The following GABRA2 variants were observed in gnomAD, a reference collection of about 807,000 sequenced individuals.
GABRA2 encodes gamma-aminobutyric acid type A receptor subunit alpha2, also known as gamma-aminobutyric acid receptor subunit alpha-2.
In GABRA2, 16 loss-of-function variants were observed where a neutral mutation model predicts 48.7. The observed-to-expected ratio is 0.33, with a 90% CI of 0.22 to 0.50. The LOEUF (loss-of-function observed/expected upper bound fraction) is 0.50, where lower values mean the gene tolerates loss of function less well. Among genes scored for constraint, GABRA2 ranks in the 20% least tolerant of loss-of-function variants. The pLI, the probability that GABRA2 is intolerant of heterozygous loss-of-function variation, is 0.98. For missense variants in GABRA2, 275 were observed against 535.6 expected (o/e 0.51, Z 4.80); for synonymous variants, 185 against 184.5 (o/e 1.00, Z -0.02).
chr4:46,305,751 A>G (rs775142445), intron 6 of GABRA2, 40 bp from the exon 7 acceptor site: 1 of 1,458,634 alleles, frequency 6.9e-7, no homozygotes, highest in Admixed American at 1.7e-5. Flanking sequence ...CATTTTAGTA[A>G]GAACCATCAA....
intron 3 of GABRA2, among the ~76,000 whole-genome samples, chr4:46,385,238 A>T (rs970305249): frequency 6.6e-6 from 1 of 151,782 alleles, no homozygotes; most frequent in African/African-American, 2.4e-5. Flanking sequence ...GGTTAACTAC[A>T]TAAATCTTGT....
At chr4:46,274,505 A>G (rs550987974) in intron 8 of GABRA2, among the ~76,000 whole-genome samples, 4 of 152,226 alleles carry the variant, frequency 2.6e-5, no homozygotes, top group East Asian at 1.9e-4. Context: ...GTGGCTATAC[A>G]TAGAGAAAAA....
chr4:46,387,991 C>A (rs1006060514), intron 2 of GABRA2, among the ~76,000 whole-genome samples: 8 of 151,956 alleles, frequency 5.3e-5, no homozygotes, highest in African/African-American at 1.9e-4. Context: ...AAATTAATTT[C>A]ATGTTTTTAT....
At chr4:46,278,403 C>G (rs926055616) in intron 8 of GABRA2, among the ~76,000 whole-genome samples, 1 of 152,124 alleles carries the variant, frequency 6.6e-6, no homozygotes, top group Non-Finnish European at 1.5e-5. Flanking sequence ...GTATAACTTA[C>G]TCAAGCTAAA....
intron 4 of GABRA2, among the ~76,000 whole-genome samples, chr4:46,315,554 C>G (rs1355019884): frequency 1.3e-5 from 2 of 151,898 alleles, no homozygotes; most frequent in East Asian, 1.9e-4. Flanking sequence ...AGTTCTCCAC[C>G]TGCCTCAGTC....
chr4:46,386,654 GTCTT>G (rs1717500325), intron 2 of GABRA2: 1 of 153,952 alleles, frequency 6.5e-6, no homozygotes, highest in Admixed American at 6.5e-5. Context: ...TCTCATAAGT[GTCTT>G]TCTTTTTCAT....
intron 8 of GABRA2, among the ~76,000 whole-genome samples, chr4:46,272,753 A>G (rs145560646): frequency 0.012 from 1,857 of 152,070 alleles, 43 homozygotes; most frequent in African/African-American, 0.042. Flanking sequence ...TTTAGGAGGA[A>G]CAGACAGAAG....
chr4:46,389,512 T>C, intron 1 of GABRA2: 1 of 607,940 alleles, frequency 1.6e-6, no homozygotes, highest in Non-Finnish European at 2.1e-6. Context: ...GCTAACGTGC[T>C]GCCGAGCAGG....
intron 8 of GABRA2, among the ~76,000 whole-genome samples, chr4:46,273,484 C>CATATATATATATATATGCATATATATAT (rs1282932302): frequency 4.2e-4 from 8 of 18,906 alleles, no homozygotes; most frequent in Non-Finnish European, 6.8e-4. Context: ...TATATATATG[C>CATATATATATATATATGCATATATATAT]ATATATATAT....
chr4:46,382,156 T>TTA (rs1187897644), intron 3 of GABRA2, among the ~76,000 whole-genome samples: 72 of 148,662 alleles, frequency 4.8e-4, no homozygotes, highest in East Asian at 1.2e-3. Flanking sequence ...TGGTAATAAA[T>TTA]TATATATATA....
Position 46,348,367 on chromosome 4 carries a change from C to T in GABRA2, c.188-15685G>A, listed in dbSNP as rs565462984. Among the ~76,000 whole-genome samples the T allele has an allele frequency of 7.2e-5, 11 of 152,026 alleles. No homozygotes were observed. The South Asian group carries it at 1.7e-3, about 23-fold the overall frequency. ...TCAACCATTGTGGAAGTCGGTGTGG[C>T]GATTCCTTAGGGATCTAGAACTAGA... On this transcript the variant is annotated intron_variant, in intron 3 of 9. Coordinates refer to ENST00000381620, the MANE Select transcript of GABRA2 (RefSeq NM_000807.4).
At chr4:46,389,023 C>T (rs200383915) in intron 1 of GABRA2, 236 of 1,146,202 alleles carry the variant, frequency 2.1e-4, no homozygotes, top group Non-Finnish European at 2.5e-4. Flanking sequence ...CGTCAGCAAA[C>T]ACTGTTTTGC....
At chr4:46,313,116 C>T (rs1727930252) in intron 4 of GABRA2, among the ~76,000 whole-genome samples, 1 of 134,454 alleles carries the variant, frequency 7.4e-6, no homozygotes, top group African/African-American at 2.7e-5. Flanking sequence ...TTCCCAGTAG[C>T]AAATAAATAA....
At position 46,266,718 on chromosome 4, in the gene GABRA2, C is replaced by CTTTTTT. The variant is rs35380341; in HGVS notation, c.857-4596_857-4591dup. Among the ~76,000 whole-genome samples the CTTTTTT allele has an allele frequency of 5.6e-4, 52 of 92,824 alleles. 5 individuals carry two copies. Among genetic ancestry groups the CTTTTTT allele is most frequent in the African/African-American group, 1.8e-3 (41 of 22,752 alleles). The allele number at this position is 92,824 out of a possible 152,430, so 60.9% of individuals were successfully genotyped here. On this transcript the variant is annotated intron_variant, in intron 8 of 9. Transcript: ENST00000381620. Reference sequence around the variant, plus strand: ...TAGCCACCATGTCTTCAAATATTCTCTTTTTTTTTTTTTTTTTTTTTGAGA... The same window carrying CTTTTTT: ...TAGCCACCATGTCTTCAAATATTCTCTTTTTTTTTTTTTTTTTTTTTTTTTTTGAGA...
chr4:46,286,890 G>C (rs570056954), intron 8 of GABRA2, among the ~76,000 whole-genome samples: 38 of 152,146 alleles, frequency 2.5e-4, no homozygotes, highest in African/African-American at 8.2e-4. Context: ...TTAATATTTT[G>C]TAAGGTGTCT....
At chr4:46,363,891 A>T (rs1247951200) in intron 3 of GABRA2, 1 of 152,204 alleles carries the variant, frequency 6.6e-6, no homozygotes, top group Non-Finnish European at 1.5e-5. Context: ...AAATAATTAA[A>T]CTTTTCCATA....
intron 3 of GABRA2, among the ~76,000 whole-genome samples, chr4:46,353,295 G>A (rs1287557962): frequency 6.6e-6 from 1 of 151,928 alleles, no homozygotes; most frequent in Non-Finnish European, 1.5e-5. Flanking sequence ...CTCCCACCCT[G>A]GTCCAAGCCA....
intron 4 of GABRA2, among the ~76,000 whole-genome samples, chr4:46,317,778 T>TA (rs1010921836): frequency 2.6e-5 from 4 of 151,206 alleles, no homozygotes; most frequent in Non-Finnish European, 4.4e-5. Context: ...AAATAAACTC[T>TA]AAAAAAAATT....
rs1403947835 is a variant in GABRA2 at position 46,244,819 on chromosome 4, G to A, written c.*5489C>T. Among the ~76,000 whole-genome samples the A allele has an allele frequency of 1.3e-5, 2 of 151,368 alleles. No individual in the cohort carries two copies. Among genetic ancestry groups the A allele is most frequent in the Non-Finnish European group, 3.0e-5 (2 of 67,530 alleles). On this transcript the variant is annotated 3_prime_UTR_variant, in exon 10 of 10. Coordinates refer to ENST00000381620, the MANE Select transcript of GABRA2 (RefSeq NM_000807.4). ...TTCCCAGAAACTAAATTGTACCAAA[G>A]AAGTTAGTAAATAGCTAGCATCACA... is the stretch of plus-strand genomic sequence containing the variant.
Sources: gnomAD v4.1 joint callset for allele counts (sites outside exome capture counted in the v4.1 genomes callset) on GRCh38, gnomAD v4.1.1 for gene constraint, MANE v1.5 for transcripts, NCBI Gene and HGNC (gene_info 2026-07-23, HGNC 2026-07-21) for gene names.